Variants in EBF1 observed in about 807,000 individuals in gnomAD.
EBF1 encodes EBF transcription factor 1.
A neutral mutation model predicts 68.4 loss-of-function variants in EBF1; 10 were observed. The ratio of observed to expected loss-of-function variants is 0.15; its 90% CI spans 0.09 to 0.25. EBF1 has a LOEUF of 0.25. Among genes scored for constraint, EBF1 ranks in the 10% least tolerant of loss-of-function variants. The probability of loss-of-function intolerance (pLI) is 1.00; values close to 1 mark genes in which losing one functional copy is unlikely to be tolerated. For missense variants in EBF1, 509 were observed against 794.4 expected (o/e 0.64, Z 4.32); for synonymous variants, 298 against 299.8 (o/e 0.99, Z 0.06).
chr5:158,755,935 T>C (rs1769978453), intron 10 of EBF1, among the ~76,000 whole-genome samples: 1 of 152,092 alleles, frequency 6.6e-6, no homozygotes, highest in Non-Finnish European at 1.5e-5. Flanking sequence ...AGTTTTCCTA[T>C]TGAAAAAAAG....
chr5:159,082,771 A>T (rs1161242136), intron 5 of EBF1, among the ~76,000 whole-genome samples: 1 of 152,232 alleles, frequency 6.6e-6, no homozygotes, highest in South Asian at 2.1e-4. Context: ...CATTAGCAGG[A>T]TGACATTTTG....
At chr5:158,951,563 T>C (rs1816000114) in intron 6 of EBF1, among the ~76,000 whole-genome samples, 4 of 152,176 alleles carry the variant, frequency 2.6e-5, no homozygotes. Flanking sequence ...CAATGTGCAT[T>C]CATAAATGCC....
At position 159,099,410 on chromosome 5, in the gene EBF1, G is replaced by A; in HGVS notation, c.69C>T (p.Gly23=). ...GCATCCACGTCCGCACCGCGTTCAT[G>A]CCGCTGCCCAGCGGCTCTTCCTTCA... ...SSMKEEPLGS[G]MNAVRTWMQG... Residue 23 remains glycine (G), a synonymous_variant, in exon 1 of 16, where the codon GGC becomes GGT. Transcript: ENST00000313708. The A allele has an allele frequency of 1.2e-6, 2 of 1,601,958 alleles. No individual in the cohort carries two copies. Among genetic ancestry groups the A allele is most frequent in the Non-Finnish European group, 1.7e-6 (2 of 1,174,338 alleles).
In EBF1 at chr5:158,764,973, A is replaced by T. The variant is rs535060048; in HGVS notation, c.1036+12440T>A. Among the ~76,000 whole-genome samples, 3 of 152,284 alleles carry T rather than the reference A, an allele frequency of 2.0e-5. No homozygotes were observed. The East Asian group carries it at 5.8e-4, about 29-fold the overall frequency. Reference sequence around the variant, plus strand: ...CTTTCCTCATAAAGAACAAAAAGGAATTGATGAATGAGAAAGGCTTTGTCA... The same window carrying T: ...CTTTCCTCATAAAGAACAAAAAGGATTTGATGAATGAGAAAGGCTTTGTCA... On this transcript the variant is annotated intron_variant, in intron 10 of 15. Transcript: ENST00000313708.
intron 6 of EBF1, among the ~76,000 whole-genome samples, chr5:158,969,892 G>T (rs192663014): frequency 1.0e-5 from 1 of 99,002 alleles, no homozygotes; most frequent in Admixed American, 1.1e-4. Context: ...AAGAAAGAAA[G>T]AAAGAAAGAA....
chr5:158,896,012 T>C (rs1353562869), intron 6 of EBF1, among the ~76,000 whole-genome samples: 1 of 152,116 alleles, frequency 6.6e-6, no homozygotes, highest in Non-Finnish European at 1.5e-5. Flanking sequence ...ATACAACAGA[T>C]AACAAGGAAG....
chr5:158,808,196 G>A (rs933705823), intron 8 of EBF1, among the ~76,000 whole-genome samples: 1 of 152,106 alleles, frequency 6.6e-6, no homozygotes, highest in African/African-American at 2.4e-5. Flanking sequence ...AGAATGGGAA[G>A]TCCACTTTCA....
At chr5:159,045,181 C>T (rs568151702) in intron 6 of EBF1, among the ~76,000 whole-genome samples, 28 of 151,988 alleles carry the variant, frequency 1.8e-4, no homozygotes, top group Non-Finnish European at 3.7e-4. Flanking sequence ...TTTTGGCATT[C>T]AAGATCAGAT....
chr5:158,785,435 G>A (rs989564008), intron 9 of EBF1, among the ~76,000 whole-genome samples: 1 of 152,124 alleles, frequency 6.6e-6, no homozygotes, highest in African/African-American at 2.4e-5. Flanking sequence ...CATAAATCAG[G>A]GGATGCCAGC....
intron 6 of EBF1, among the ~76,000 whole-genome samples, chr5:159,052,805 A>G (rs1436979954): frequency 6.6e-6 from 1 of 152,242 alleles, no homozygotes; most frequent in Non-Finnish European, 1.5e-5. Flanking sequence ...GGGCAGGTTC[A>G]GGAAACGGTT....
chr5:159,066,209 G>A (rs1258149734), intron 6 of EBF1, among the ~76,000 whole-genome samples: 1 of 152,144 alleles, frequency 6.6e-6, no homozygotes, highest in African/African-American at 2.4e-5. Context: ...TTAAAGATGT[G>A]TTGGCTAACA....
At chr5:158,703,340 A>G (rs1334958228) in intron 15 of EBF1, among the ~76,000 whole-genome samples, 1 of 152,192 alleles carries the variant, frequency 6.6e-6, no homozygotes. Flanking sequence ...AATCCAAAAT[A>G]TAGTTGCATT....
intron 6 of EBF1, among the ~76,000 whole-genome samples, chr5:158,852,267 G>C (rs1793102737): frequency 6.6e-6 from 1 of 151,918 alleles, no homozygotes; most frequent in Admixed American, 6.5e-5. Context: ...AGGATGAAAA[G>C]TATTTTGAAA....
intron 10 of EBF1, among the ~76,000 whole-genome samples, chr5:158,764,735 T>C (rs1481823010): frequency 2.6e-5 from 4 of 152,318 alleles, no homozygotes; most frequent in East Asian, 3.9e-4. Context: ...TAGTGAATTA[T>C]GTTCATAGAA....
intron 6 of EBF1, among the ~76,000 whole-genome samples, chr5:158,990,101 A>C (rs12515233): frequency 0.17 from 25,305 of 152,224 alleles, 2,197 homozygotes; most frequent in Admixed American, 0.2. Context: ...CTCCTGCGGC[A>C]GGGTGAAAAT....
chr5:158,859,800 G>C (rs1410640923), intron 6 of EBF1, among the ~76,000 whole-genome samples: 1 of 152,228 alleles, frequency 6.6e-6, no homozygotes, highest in Non-Finnish European at 1.5e-5. Flanking sequence ...ACATTGGCCA[G>C]AACAGCATTA....
chr5:158,790,084 G>A (rs968694024), intron 9 of EBF1, among the ~76,000 whole-genome samples: 1 of 152,204 alleles, frequency 6.6e-6, no homozygotes, highest in Non-Finnish European at 1.5e-5. Flanking sequence ...GTCTGGGAAT[G>A]TAGCTGAAGA....
At chr5:158,987,306 T>C in intron 6 of EBF1, 1 of 152,214 alleles carries the variant, frequency 6.6e-6, no homozygotes. Context: ...GTCTGGAGTA[T>C]AATAAACCCC....
chr5:158,754,410 C>G (rs1769594521), intron 10 of EBF1, among the ~76,000 whole-genome samples: 1 of 152,086 alleles, frequency 6.6e-6, no homozygotes, highest in Non-Finnish European at 1.5e-5. Context: ...ATCTCAGTCC[C>G]CAGTGCTCAA....
Sources: gnomAD v4.1 joint callset for allele counts (sites outside exome capture counted in the v4.1 genomes callset) on GRCh38, gnomAD v4.1.1 for gene constraint, MANE v1.5 for transcripts, NCBI Gene and HGNC (gene_info 2026-07-23, HGNC 2026-07-21) for gene names.